BMPR1B: variants seen among roughly 807,000 people sequenced by gnomAD.
BMPR1B encodes bone morphogenetic protein receptor type 1B, also known as bone morphogenetic protein receptor type-1B.
In BMPR1B, 12 loss-of-function variants were observed where a neutral mutation model predicts 59.1. That is an observed-to-expected ratio of 0.20 (90% confidence interval 0.13 to 0.33). The LOEUF is 0.33. BMPR1B is among the 10% of genes least tolerant of loss of function. BMPR1B has a pLI of 1.00. For missense variants in BMPR1B, 550 were observed against 610.9 expected, an observed-to-expected ratio of 0.90 and a Z score of 1.05; for synonymous variants, 237 against 207.3, an observed-to-expected ratio of 1.14 and a Z score of -1.23.
At chr4:94,915,735 A>G (rs1398178317) in intron 2 of BMPR1B, among the ~76,000 whole-genome samples, 2 of 152,214 alleles carry the variant, frequency 1.3e-5, no homozygotes, top group Non-Finnish European at 2.9e-5. Flanking sequence ...ACGTTTGGTC[A>G]TCCTACCAAT....
intron 10 of BMPR1B, among the ~76,000 whole-genome samples, chr4:95,131,851 T>C (rs942235301): frequency 1.6e-4 from 24 of 152,216 alleles, no homozygotes; most frequent in African/African-American, 5.8e-4. Flanking sequence ...ATTTACAGAT[T>C]ATATATGGAT....
At chr4:94,816,556 A>G (rs560638426) in intron 1 of BMPR1B, among the ~76,000 whole-genome samples, 2 of 152,304 alleles carry the variant, frequency 1.3e-5, no homozygotes, top group Admixed American at 1.3e-4. Context: ...GATCTAAATT[A>G]GTATTTCTGC....
chr4:94,867,806 A>G (rs1193213046), intron 1 of BMPR1B, among the ~76,000 whole-genome samples: 1 of 152,166 alleles, frequency 6.6e-6, no homozygotes, highest in African/African-American at 2.4e-5. Flanking sequence ...ATTCTTGTGT[A>G]ATTACTGCAT....
chr4:94,832,235 G>A (rs1654492672), intron 1 of BMPR1B, among the ~76,000 whole-genome samples: 1 of 152,104 alleles, frequency 6.6e-6, no homozygotes, highest in Non-Finnish European at 1.5e-5. Context: ...TGGTGTACAG[G>A]TTTGTAGCCT....
intron 3 of BMPR1B, among the ~76,000 whole-genome samples, chr4:95,048,891 AT>A (rs1418328381): frequency 6.6e-6 from 1 of 152,152 alleles, no homozygotes; most frequent in African/African-American, 2.4e-5. Flanking sequence ...TTTATAGAAG[AT>A]CCCCTTCATT....
chr4:95,067,600 C>A (rs566740800), intron 3 of BMPR1B, among the ~76,000 whole-genome samples: 3 of 152,282 alleles, frequency 2.0e-5, no homozygotes, highest in Non-Finnish European at 2.9e-5. Context: ...CAAAATATGT[C>A]ATTTAGTCTT....
intron 10 of BMPR1B, 41 bp downstream of exon 10, chr4:95,131,553 T>C: frequency 6.2e-7 from 1 of 1,602,512 alleles, no homozygotes. Flanking sequence ...TATGACTCTT[T>C]TCTGTTACTT....
intron 2 of BMPR1B, among the ~76,000 whole-genome samples, chr4:94,891,096 T>C (rs1281046406): frequency 6.6e-6 from 1 of 152,140 alleles, no homozygotes; most frequent in Non-Finnish European, 1.5e-5. Flanking sequence ...TATTGAGATA[T>C]TATCTTTATA....
intron 2 of BMPR1B, among the ~76,000 whole-genome samples, chr4:94,962,872 TTTAAG>T (rs966993780): frequency 1.3e-5 from 2 of 152,178 alleles, no homozygotes; most frequent in African/African-American, 4.8e-5. Context: ...GTAGTTCTAG[TTTAAG>T]TTATTTGAGG....
At chr4:94,828,031 C>T (rs767515926) in intron 1 of BMPR1B, among the ~76,000 whole-genome samples, 19 of 152,146 alleles carry the variant, frequency 1.2e-4, no homozygotes, top group African/African-American at 2.4e-4. Context: ...GATAAGGTCA[C>T]GTGTGAGAAA....
chr4:94,957,587 C>T (rs955869780), intron 2 of BMPR1B, among the ~76,000 whole-genome samples: 2 of 151,612 alleles, frequency 1.3e-5, no homozygotes, highest in East Asian at 1.9e-4. Flanking sequence ...TATTTTTCTT[C>T]GACTGGCCCA....
At chr4:94,920,078 T>G (rs921204396) in intron 2 of BMPR1B, among the ~76,000 whole-genome samples, 2 of 152,158 alleles carry the variant, frequency 1.3e-5, no homozygotes, top group Non-Finnish European at 2.9e-5. Context: ...AGGAGATTCT[T>G]CAAACAGTGC....
chr4:95,104,415 C>A lies in BMPR1B; in HGVS notation c.-10C>A. Reference sequence around the variant, plus strand: ...CACTATTTCTTCTTTCAGCAAACTTCCTTGATAACATGCTTTTGCGAAGTG... The same window carrying A: ...CACTATTTCTTCTTTCAGCAAACTTACTTGATAACATGCTTTTGCGAAGTG... On this transcript the variant is annotated 5_prime_UTR_variant, in exon 4 of 13. Transcript: ENST00000515059. The A allele has an allele frequency of 6.2e-7, 1 of 1,612,974 alleles. No individual in the cohort carries two copies. The highest frequency in any genetic ancestry group is 8.5e-7 in the Non-Finnish European group (1 of 1,179,394).
At chr4:94,992,366 A>G (rs570923642) in intron 2 of BMPR1B, among the ~76,000 whole-genome samples, 11 of 152,226 alleles carry the variant, frequency 7.2e-5, no homozygotes, top group Non-Finnish European at 1.3e-4. Context: ...TTGCCTGGGC[A>G]TGGGCCTATA....
intron 1 of BMPR1B, among the ~76,000 whole-genome samples, chr4:94,782,890 T>C (rs1223990935): frequency 6.6e-6 from 1 of 152,176 alleles, no homozygotes; most frequent in African/African-American, 2.4e-5. Context: ...TGTTGAGAAC[T>C]GGACATTTTA....
intron 3 of BMPR1B, among the ~76,000 whole-genome samples, chr4:95,010,847 A>C (rs1723170598): frequency 1.3e-5 from 2 of 152,156 alleles, no homozygotes; most frequent in African/African-American, 4.8e-5. Context: ...CCTACTAGAA[A>C]GTGTTAGGGT....
At chr4:94,822,544 A>G (rs1393801299) in intron 1 of BMPR1B, among the ~76,000 whole-genome samples, 1 of 152,116 alleles carries the variant, frequency 6.6e-6, no homozygotes, top group Admixed American at 6.6e-5. Context: ...GAGAGGAGGA[A>G]ATACAGGAGA....
chr4:94,974,333 T>C (rs571044880), intron 2 of BMPR1B, among the ~76,000 whole-genome samples: 1 of 151,540 alleles, frequency 6.6e-6, no homozygotes, highest in South Asian at 2.1e-4. Context: ...TTTTTAATCA[T>C]TCATTTTTTA....
intron 1 of BMPR1B, among the ~76,000 whole-genome samples, chr4:94,847,828 G>A (rs1228215297): frequency 1.3e-5 from 2 of 152,030 alleles, no homozygotes; most frequent in African/African-American, 4.8e-5. Flanking sequence ...AAGTAAGGAT[G>A]GGTAAAGGCT....
Sources: allele counts gnomAD v4.1 joint callset (sites outside exome capture counted in the v4.1 genomes callset), GRCh38; gene constraint gnomAD v4.1.1; transcripts MANE v1.5; gene names NCBI Gene and HGNC (gene_info 2026-07-23, HGNC 2026-07-21).